The following MYOM3 variants were observed in gnomAD, a reference collection of about 807,000 sequenced individuals.
MYOM3 encodes the protein myomesin 3.
MYOM3 carries 155 observed loss-of-function variants against 191.7 expected under a neutral mutation model. That is an observed-to-expected ratio of 0.81 (90% CI 0.71 to 0.92). The LOEUF (loss-of-function observed/expected upper bound fraction) is 0.92. Ranked by LOEUF, MYOM3 falls within the 40% of genes least tolerant of loss-of-function variation. The pLI is 0.00. For missense variants in MYOM3, 1,889 were observed against 1,890.6 expected (o/e 1.00, Z 0.02); for synonymous variants, 757 against 762.9 (o/e 0.99, Z 0.13).
At chr1:24,073,855 T>C in intron 23 of MYOM3, among the ~76,000 whole-genome samples, 1 of 95,730 alleles carries the variant, frequency 1.0e-5, no homozygotes, top group African/African-American at 4.7e-5. Context: ...AGAGCGAGAC[T>C]CCGTCTAAAA....
chr1:24,110,814 C>A (rs767054083), intron 1 of MYOM3, among the ~76,000 whole-genome samples: 2 of 152,346 alleles, frequency 1.3e-5, no homozygotes, highest in Non-Finnish European at 2.9e-5. Flanking sequence ...TCTGCTCTTT[C>A]TTCCTCATGG....
Position 24,106,026 on chromosome 1 carries a change from G to T in MYOM3, c.454C>A (p.Arg152Ser). 2 of 1,613,858 alleles carry T rather than the reference G, an allele frequency of 1.2e-6. No individual in the cohort carries two copies. Among genetic ancestry groups the T allele is most frequent in the Non-Finnish European group, 1.7e-6 (2 of 1,179,982 alleles). Residue 152 changes from arginine (R) to serine (S), a missense_variant, in exon 5 of 37, where the codon CGC becomes AGC. Transcript: ENST00000374434. The part of the protein sequence containing the change: ...AKELRELCYG[R>S]GPWFWIPLRS... ...AGAGGGATCCAGAACCAGGGCCCGC[G>T]GCCGTAGCACAGCTCCCTCAGCTCC...
intron 16 of MYOM3, chr1:24,084,145 T>C (rs752818668): frequency 1.4e-5 from 4 of 291,946 alleles, no homozygotes; most frequent in African/African-American, 2.2e-5. Flanking sequence ...TGGGAGGAGA[T>C]TGGATCATGG....
Position 24,093,006 on chromosome 1 carries a change from A to G in MYOM3, c.1031T>C (p.Met344Thr), listed in dbSNP as rs4233050. 725,176 of 1,611,164 alleles carry G rather than the reference A, an allele frequency of 0.45. 167,158 individuals carry two copies. The highest frequency in any genetic ancestry group is 0.47 in the Non-Finnish European group (555,609 of 1,178,936). The stretch of plus-strand genomic sequence containing the variant: ...TCCGAAGGGCGAGGGCACCCGGACC[A>G]TGTAGAGCCCCTCGTCCTCCTTGTA... ...CTYKEDEGLY[M>T]VRVPSPFGPR... Residue 344 changes from methionine (M) to threonine (T), a missense_variant, in exon 10 of 37, where the codon ATG (methionine) becomes ACG (threonine). Met to Thr is a moderately conservative substitution (Grantham distance 81). Transcript: ENST00000374434.
intron 10 of MYOM3, 88 bp downstream of exon 10, chr1:24,092,859 G>C: frequency 3.9e-6 from 5 of 1,298,314 alleles, no homozygotes; most frequent in Non-Finnish European, 5.1e-6. Flanking sequence ...AGAGAGCAGG[G>C]TCCTTGCCTA....
chr1:24,071,071 C>G, intron 25 of MYOM3, 46 bp downstream of exon 25: 1 of 1,599,602 alleles, frequency 6.3e-7, no homozygotes, highest in Non-Finnish European at 8.5e-7. Context: ...GAGGCCACCT[C>G]CCCGGCAGGG....
At chr1:24,067,260 A>ATTTC (rs1220392041) in intron 27 of MYOM3, among the ~76,000 whole-genome samples, 172 bp from the exon 28 acceptor site, 5 of 146,486 alleles carry the variant, frequency 3.4e-5, no homozygotes, top group Non-Finnish European at 7.5e-5. Flanking sequence ...CAGAGCGCAA[A>ATTTC]TTTCTTTCTT....
rs1644000203 is a variant in MYOM3, at chr1:24,108,092, G to T, written c.162-19C>A. 1 of 1,611,448 alleles carries T rather than the reference G, an allele frequency of 6.2e-7. No individual in the cohort carries two copies. Among genetic ancestry groups the T allele is most frequent in the African/African-American group, 1.3e-5 (1 of 74,874 alleles). On this transcript the variant is annotated intron_variant, in intron 2 of 36. Coordinates refer to ENST00000374434, the MANE Select transcript of MYOM3 (RefSeq NM_152372.4). ...TTCTTCGCTGCTCCCAGAAGGAGGG[G>T]AGTAAATGGCTCTTGCAGGATTGGC... is the stretch of plus-strand genomic sequence containing the variant.
Position 24,061,309 on chromosome 1 carries a change from G to A in MYOM3, c.3935C>T (p.Ala1312Val). The A allele has an allele frequency of 1.2e-6, 2 of 1,614,046 alleles. No homozygotes were observed. Among genetic ancestry groups the A allele is most frequent in the Non-Finnish European group, 1.7e-6 (2 of 1,179,970 alleles). Residue 1312 changes from alanine (A) to valine (V), a missense_variant and splice_region_variant, in exon 34 of 37, where the codon GCT becomes GTT. Transcript: ENST00000374434. ...RQLSTDLSGQAFEDAMAEHQR... is the reference protein window; with the variant it reads ...RQLSTDLSGQVFEDAMAEHQR... ...GTGTTCAGCCATTGCATCCTCAAAA[G>A]CTATAAGAAGGACAGAGGAGAATGG...
chr1:24,061,806 G>T, intron 33 of MYOM3, 140 bp downstream of exon 33: 1 of 855,562 alleles, frequency 1.2e-6, no homozygotes, highest in Non-Finnish European at 1.9e-6. Flanking sequence ...TGCCCAGACT[G>T]GTCTCAAACT....
rs569952059 is a variant in MYOM3, at chr1:24,087,216, G to A, written c.1615-389C>T. Among the ~76,000 whole-genome samples, 1 of 152,266 alleles carries A rather than the reference G, an allele frequency of 6.6e-6. No homozygotes were observed. The highest frequency in any genetic ancestry group is 2.1e-4 in the South Asian group (1 of 4,818). ...CAAAATTTACCCAGAAACCAGCCAT[G>A]CCTTATTGTCCTCATGCTCCCCACC... On this transcript the variant is annotated intron_variant, in intron 14 of 36. Coordinates refer to ENST00000374434, the MANE Select transcript of MYOM3 (RefSeq NM_152372.4). The surrounding 1 kb of genome is among the most constrained non-coding windows in gnomAD (Gnocchi z 4.5).
rs1425583912 is a variant in MYOM3 at position 24,057,460 on chromosome 1, GC to G, written c.4217del (p.Gly1406AlafsTer29). 2.5e-6 allele frequency: 4 copies of G among 1,614,108 alleles called. No individual in the cohort carries two copies. In the African/African-American group the frequency reaches 5.3e-5, roughly 22 times the overall value. On this transcript the variant is annotated frameshift_variant, in exon 37 of 37. Coordinates refer to ENST00000374434, the MANE Select transcript of MYOM3 (RefSeq NM_152372.4). LOFTEE classifies it high-confidence loss of function. The stretch of plus-strand genomic sequence containing the variant: ...AGCCATACTTGTTCTTGACGAAGAC[GC>G]CGTAGCGGCCGCTGTCTTCACTGTT... ...KVNSEDSGRY[G>X]VFVKNKYGSE...
chr1:24,105,440 A>G (rs539934473), intron 5 of MYOM3, among the ~76,000 whole-genome samples: 1 of 152,258 alleles, frequency 6.6e-6, no homozygotes, highest in East Asian at 1.9e-4. Context: ...TCTCCCTGCT[A>G]CTTGGCCCCT....
intron 6 of MYOM3, 66 bp downstream of exon 6, chr1:24,099,613 GA>G: frequency 7.8e-7 from 1 of 1,284,600 alleles, no homozygotes; most frequent in Non-Finnish European, 1.1e-6. Flanking sequence ...AAGGGTTTGG[GA>G]TCCTGCTCTG....
At chr1:24,067,932 TG>T (rs1557602816) in intron 27 of MYOM3, 37 bp downstream of exon 27, 1 of 1,603,140 alleles carries the variant, frequency 6.2e-7, no homozygotes, top group Admixed American at 1.7e-5. Context: ...CACGAACCAG[TG>T]GCCAGGGATT....
chr1:24,084,809 G>T (rs1272620656), intron 15 of MYOM3, among the ~76,000 whole-genome samples, 170 bp from the exon 16 acceptor site: 1 of 152,076 alleles, frequency 6.6e-6, no homozygotes, highest in Non-Finnish European at 1.5e-5. Context: ...GCCCAGAAGT[G>T]TATCCTAAAA....
intron 6 of MYOM3, among the ~76,000 whole-genome samples, chr1:24,099,391 C>G (rs557158229): frequency 6.6e-6 from 1 of 152,204 alleles, no homozygotes; most frequent in East Asian, 1.9e-4. Context: ...CACGGCCAGC[C>G]TCTGAGTCCA....
intron 25 of MYOM3, among the ~76,000 whole-genome samples, chr1:24,070,144 A>G (rs953908853): frequency 1.3e-5 from 2 of 152,240 alleles, no homozygotes; most frequent in Admixed American, 1.3e-4. Flanking sequence ...TTTAAAATAA[A>G]AATATTTCAA....
Position 24,091,183 on chromosome 1 carries a change from C to T in MYOM3, c.1233-187G>A, listed in dbSNP as rs1282246342. Among the ~76,000 whole-genome samples the T allele has an allele frequency of 3.3e-5, 5 of 152,228 alleles. No individual in the cohort carries two copies. The South Asian group carries it at 8.3e-4, about 25-fold the overall frequency. ...CCCCCGGGAGACCTTTTCACCATCC[C>T]TGACACTGACCAGCAGCAGTGCCTT... On this transcript the variant is annotated intron_variant, in intron 11 of 36. Transcript: ENST00000374434.
Sources: gnomAD v4.1 joint callset for allele counts (sites outside exome capture counted in the v4.1 genomes callset) on GRCh38, gnomAD v4.1.1 for gene constraint, Gnocchi (gnomAD v3.1) non-coding constraint, MANE v1.5 for transcripts, NCBI Gene and HGNC (gene_info 2026-07-23, HGNC 2026-07-21) for gene names.